MIPEP: variants seen among roughly 807,000 people sequenced by gnomAD.
MIPEP encodes mitochondrial intermediate peptidase.
In MIPEP, 79 loss-of-function variants were observed where a neutral mutation model predicts 90.3. That is an observed-to-expected ratio of 0.87 (90% CI 0.73 to 1.05). The LOEUF is 1.05. Ranked by LOEUF, MIPEP falls within the 50% of genes least tolerant of loss-of-function variation. The pLI is 0.00. For synonymous variants in MIPEP, 334 were observed against 315.8 expected (o/e 1.06, Z -0.61); for missense variants, 940 against 905.6 (o/e 1.04, Z -0.49).
chr13:23,886,709 T>G (rs575912288), intron 1 of MIPEP, among the ~76,000 whole-genome samples: 6 of 152,230 alleles, frequency 3.9e-5, no homozygotes, highest in African/African-American at 1.2e-4. Flanking sequence ...AACATAATTT[T>G]TCTTCAATTT....
intron 4 of MIPEP, among the ~76,000 whole-genome samples, chr13:23,875,986 T>C (rs1871055799): frequency 2.6e-5 from 4 of 152,324 alleles, no homozygotes; most frequent in South Asian, 4.1e-4. Flanking sequence ...TTTTGTGTTG[T>C]TATATAGACT....
intron 17 of MIPEP, among the ~76,000 whole-genome samples, chr13:23,758,234 C>T (rs1952506774): frequency 1.3e-5 from 2 of 152,144 alleles, no homozygotes; most frequent in South Asian, 4.1e-4. Context: ...AAATCAAATC[C>T]CTCCCCACAG....
intron 10 of MIPEP, among the ~76,000 whole-genome samples, chr13:23,844,338 T>C (rs1325986978): frequency 2.0e-5 from 3 of 152,122 alleles, no homozygotes; most frequent in African/African-American, 7.2e-5. Context: ...AGGTTTCCAC[T>C]CCTGCACATG....
At chr13:23,738,858 C>T (rs909067210) in intron 18 of MIPEP, among the ~76,000 whole-genome samples, 4 of 152,146 alleles carry the variant, frequency 2.6e-5, no homozygotes, top group African/African-American at 9.7e-5. Context: ...ATCCCCCATC[C>T]GAGCCCTGCT....
Position 23,806,057 on chromosome 13 carries a change from T to C in MIPEP, c.1741A>G (p.Thr581Ala), listed in dbSNP as rs755698348. 11 of 1,613,956 alleles carry C rather than the reference T, an allele frequency of 6.8e-6. No homozygotes were observed. The East Asian group carries it at 2.2e-4, about 33-fold the overall frequency. Residue 581 changes from threonine (T) to alanine (A), a missense_variant, in exon 16 of 19, where the codon ACT (threonine) becomes GCT (alanine). Coordinates refer to ENST00000382172, the MANE Select transcript of MIPEP (RefSeq NM_005932.4). The stretch of plus-strand genomic sequence containing the variant: ...TTCCCATGGTAGATTTGATCCAGAG[T>C]GGCATAAAAGACCTAGATAGATAAA... The part of the protein sequence containing the change: ...ADMQLQVFYA[T>A]LDQIYHGKHP...
chr13:23,759,959 G>T, intron 17 of MIPEP, 137 bp downstream of exon 17: 1 of 1,082,000 alleles, frequency 9.2e-7, no homozygotes, highest in Non-Finnish European at 1.4e-6. Context: ...GGGCGAGGCT[G>T]TGTGGGGAGC....
chr13:23,874,862 T>C lies in MIPEP; in HGVS notation c.587A>G (p.His196Arg), dbSNP rs1870994100. The change falls in exon 5 of 19, where the codon CAT becomes CGT. Residue 196 changes from histidine (H) to arginine (R), a missense_variant. Physicochemically the swap from His to Arg is conservative, Grantham distance 29 (BLOSUM62 0). Coordinates refer to ENST00000382172, the MANE Select transcript of MIPEP (RefSeq NM_005932.4). ...FMFDFEISGI[H>R]LDKEKRKRAV... ...AAGATGTACCTTTTCTTTGTCTAGA[T>C]GGATTCCACTAATTTCAAAATCAAA... The C allele has an allele frequency of 1.3e-6, 2 of 1,599,052 alleles. No homozygotes were observed. The highest frequency in any genetic ancestry group is 2.3e-5 in the East Asian group (1 of 43,962).
intron 17 of MIPEP, among the ~76,000 whole-genome samples, chr13:23,759,149 C>A (rs900276956): frequency 3.3e-5 from 5 of 152,112 alleles, no homozygotes; most frequent in African/African-American, 1.2e-4. Context: ...AAAGAAAGAG[C>A]CTTCTAAGGA....
intron 14 of MIPEP, among the ~76,000 whole-genome samples, chr13:23,816,058 T>C (rs1244568286): frequency 6.6e-6 from 1 of 152,250 alleles, no homozygotes; most frequent in Non-Finnish European, 1.5e-5. Flanking sequence ...GTGTCTTTTC[T>C]GCCCTGGTTG....
intron 16 of MIPEP, among the ~76,000 whole-genome samples, chr13:23,763,425 T>C (rs766130156): frequency 3.9e-5 from 6 of 152,224 alleles, no homozygotes; most frequent in Non-Finnish European, 2.9e-5. Context: ...CTTTGAAACA[T>C]TTTCTTCATG....
chr13:23,784,277 T>C (rs966773003), intron 16 of MIPEP, among the ~76,000 whole-genome samples: 1 of 152,146 alleles, frequency 6.6e-6, no homozygotes, highest in Admixed American at 6.5e-5. Flanking sequence ...ATGGTACTGG[T>C]ACCAAAACAG....
intron 17 of MIPEP, among the ~76,000 whole-genome samples, chr13:23,757,381 G>A (rs181956565): frequency 2.9e-4 from 44 of 152,240 alleles, no homozygotes; most frequent in Admixed American, 1.2e-3. Context: ...CCTGCTGTGT[G>A]GCCCAGTTCC....
intron 16 of MIPEP, among the ~76,000 whole-genome samples, chr13:23,798,903 C>T (rs896497508): frequency 5.9e-5 from 9 of 151,900 alleles, no homozygotes; most frequent in African/African-American, 2.2e-4. Flanking sequence ...ATAAATTACC[C>T]AGTCTCAGGT....
chr13:23,831,545 A>T (rs1868766603), intron 14 of MIPEP, among the ~76,000 whole-genome samples: 1 of 152,130 alleles, frequency 6.6e-6, no homozygotes, highest in Non-Finnish European at 1.5e-5. Flanking sequence ...TCCTGGTGAG[A>T]GCCTTGTGCT....
Position 23,881,793 on chromosome 13 carries a change from A to G in MIPEP, c.364-6T>C, listed in dbSNP as rs1435686436. ...GCGATTTTCACAAAATCAGCCTAAT[A>G]AAGGGGAAAGACAAAACCAAAAGGG... On this transcript the variant is annotated splice_region_variant and splice_polypyrimidine_tract_variant and intron_variant, in intron 2 of 18. Coordinates refer to ENST00000382172, the MANE Select transcript of MIPEP (RefSeq NM_005932.4). The G allele has an allele frequency of 1.2e-6, 2 of 1,609,744 alleles. No individual in the cohort carries two copies. Among genetic ancestry groups the G allele is most frequent in the Non-Finnish European group, 1.7e-6 (2 of 1,176,686 alleles).
chr13:23,845,144 A>AT (rs1402113394), intron 10 of MIPEP, among the ~76,000 whole-genome samples: 1 of 152,192 alleles, frequency 6.6e-6, no homozygotes, highest in Non-Finnish European at 1.5e-5. Flanking sequence ...TTTATTTAAC[A>AT]TAAAAATATA....
intron 18 of MIPEP, among the ~76,000 whole-genome samples, chr13:23,753,591 A>G (rs1351562872): frequency 6.6e-6 from 1 of 152,252 alleles, no homozygotes. Flanking sequence ...GAGAGCATAG[A>G]TACATGGTTG....
intron 16 of MIPEP, among the ~76,000 whole-genome samples, chr13:23,805,615 A>T (rs1026472647): frequency 6.6e-6 from 1 of 152,208 alleles, no homozygotes; most frequent in Non-Finnish European, 1.5e-5. Flanking sequence ...AATGAAAATG[A>T]TTCAGGACTG....
intron 18 of MIPEP, among the ~76,000 whole-genome samples, chr13:23,745,784 G>C (rs9553042): frequency 6.6e-6 from 1 of 151,500 alleles, no homozygotes; most frequent in Non-Finnish European, 1.5e-5. Context: ...AAAAATTAGC[G>C]AAGTGTGGTG....
Sources: allele counts gnomAD v4.1 joint callset (sites outside exome capture counted in the v4.1 genomes callset), GRCh38; gene constraint gnomAD v4.1.1; transcripts MANE v1.5; gene names NCBI Gene and HGNC (gene_info 2026-07-23, HGNC 2026-07-21).